TCHP: variants seen among roughly 807,000 people sequenced by gnomAD.
The protein encoded by TCHP is trichoplein keratin filament binding.
A neutral mutation model predicts 88.7 loss-of-function variants in TCHP; 81 were observed. That is an observed-to-expected ratio of 0.91 (90% CI 0.76 to 1.10). The LOEUF (loss-of-function observed/expected upper bound fraction) is 1.10, where lower values mean the gene tolerates loss of function less well. TCHP is among the 50% of genes least tolerant of loss of function. The probability of loss-of-function intolerance (pLI) is 0.00; values close to 1 mark genes in which losing one functional copy is unlikely to be tolerated. For synonymous variants in TCHP, 232 were observed against 232.5 expected (o/e 1.00, Z 0.02); for missense variants, 641 against 632.1 (o/e 1.01, Z -0.15).
intron 12 of TCHP, among the ~76,000 whole-genome samples, chr12:109,915,815 G>A (rs1870790800): frequency 6.6e-6 from 1 of 152,132 alleles, no homozygotes; most frequent in African/African-American, 2.4e-5. Context: ...CACCCTCTTT[G>A]GTCAATCTAA....
chr12:109,882,428 T>TA, the TCHP span, among the ~76,000 whole-genome samples: 208 of 98,360 alleles, frequency 2.1e-3, 2 homozygotes, highest in South Asian at 0.024. Flanking sequence ...AGACTCCGTC[T>TA]AAAAAAAAAA....
intron 11 of TCHP, 169 bp from the exon 12 acceptor site, chr12:109,915,234 C>T (rs1870740069): frequency 3.5e-6 from 3 of 851,766 alleles, no homozygotes; most frequent in Non-Finnish European, 5.7e-6. Flanking sequence ...ACCATGCATA[C>T]AGCCTTTCAA....
the TCHP span, among the ~76,000 whole-genome samples, chr12:109,893,480 G>A: frequency 2.1e-4 from 32 of 152,120 alleles, no homozygotes; most frequent in Admixed American, 2.1e-3. Context: ...TCTAGCTCTG[G>A]GGAGGAAGTT....
rs1033006517 is a variant in TCHP at position 109,916,897 on chromosome 12, G to A, written c.*274G>A. The A allele has an allele frequency of 1.0e-5, 4 of 381,076 alleles. No individual in the cohort carries two copies. The highest frequency in any genetic ancestry group is 1.9e-5 in the Non-Finnish European group (4 of 213,984). The allele number at this position is 381,076 out of a possible 1,614,324, so 23.6% of individuals were successfully genotyped here. The stretch of plus-strand genomic sequence containing the variant: ...TGCATAGTCTTGTAATATATTAACA[G>A]TCACATCAACTGAAGGTCAATACTA... On this transcript the variant is annotated 3_prime_UTR_variant, in exon 13 of 13. Transcript: ENST00000405876.
the TCHP span, among the ~76,000 whole-genome samples, chr12:109,882,468 T>A: frequency 1.4e-4 from 21 of 145,050 alleles, 1 homozygote; most frequent in South Asian, 4.6e-3. Context: ...GTGAGGCACA[T>A]GAGCAAAAGC....
intron 9 of TCHP, among the ~76,000 whole-genome samples, chr12:109,911,456 TA>T (rs1275513858): frequency 4.6e-5 from 7 of 151,658 alleles, no homozygotes; most frequent in African/African-American, 1.7e-4. Context: ...CTACCAAAAA[TA>T]CACAAATTGG....
At chr12:109,912,069 C>T (rs1467411987) in intron 9 of TCHP, among the ~76,000 whole-genome samples, 2 of 152,218 alleles carry the variant, frequency 1.3e-5, no homozygotes, top group Non-Finnish European at 2.9e-5. Flanking sequence ...GCTGGGATTA[C>T]AGGCGTGAGC....
chr12:109,910,383 C>T (rs1428664365), intron 8 of TCHP, among the ~76,000 whole-genome samples: 1 of 152,174 alleles, frequency 6.6e-6, no homozygotes, highest in African/African-American at 2.4e-5. Flanking sequence ...ATGGCGCAAT[C>T]ACGGCTCACT....
At chr12:109,913,842 G>A (rs990990909) in intron 10 of TCHP, among the ~76,000 whole-genome samples, 3 of 152,204 alleles carry the variant, frequency 2.0e-5, no homozygotes, top group African/African-American at 7.2e-5. Flanking sequence ...ATTCTCCAGT[G>A]CCTTTTGATT....
the TCHP span, among the ~76,000 whole-genome samples, chr12:109,885,478 GTTTTT>G: frequency 1.7e-5 from 2 of 118,174 alleles, no homozygotes; most frequent in African/African-American, 3.3e-5. Context: ...AAATCTGATG[GTTTTT>G]TTTTTTTTTT....
chr12:109,896,758 T>A (rs987280477), upstream of TCHP, among the ~76,000 whole-genome samples: 7 of 151,650 alleles, frequency 4.6e-5, no homozygotes, highest in Admixed American at 3.9e-4. Flanking sequence ...TGAAAAAAAA[T>A]ACAAAAATTA....
In TCHP at chr12:109,903,287, T is replaced by G. The variant is rs933065924; in HGVS notation, c.188+73T>G. The G allele has an allele frequency of 2.0e-5, 28 of 1,423,900 alleles. No individual in the cohort carries two copies. The highest frequency in any genetic ancestry group is 2.7e-5 in the Non-Finnish European group (28 of 1,038,276). The allele number at this position is 1,423,900 out of a possible 1,614,324, so 88.2% of individuals were successfully genotyped here. On this transcript the variant is annotated intron_variant, in intron 2 of 12. Transcript: ENST00000405876. The surrounding 1 kb of genome is among the most constrained non-coding windows in gnomAD (Gnocchi z 4.6). ...TGGTCAGGGGATGAGGCCTTAAGGA[T>G]TTAGGGAGCGTAGGATTTGCCAGGC... is the stretch of plus-strand genomic sequence containing the variant.
intron 1 of TCHP, among the ~76,000 whole-genome samples, chr12:109,902,073 C>A (rs1281788165): frequency 1.3e-5 from 2 of 152,214 alleles, no homozygotes; most frequent in African/African-American, 4.8e-5. Flanking sequence ...TAAATGCCCC[C>A]GATGTGCCTA....
upstream of TCHP, among the ~76,000 whole-genome samples, chr12:109,898,698 G>A (rs1485426924): frequency 6.6e-6 from 1 of 152,200 alleles, no homozygotes; most frequent in Admixed American, 6.5e-5. Flanking sequence ...TGTGATCACG[G>A]CTCACTGCAG....
rs1870066612 is a variant in TCHP at position 109,905,299 on chromosome 12, GTGTC to G, written c.456+509_456+512del. Among the ~76,000 whole-genome samples, 1 of 152,242 alleles carries G rather than the reference GTGTC, an allele frequency of 6.6e-6. No homozygotes were observed. The highest frequency in any genetic ancestry group is 1.5e-5 in the Non-Finnish European group (1 of 68,040). On this transcript the variant is annotated intron_variant, in intron 4 of 12. Coordinates refer to ENST00000405876, the MANE Select transcript of TCHP (RefSeq NM_001143852.2). This position sits in a 1 kb window ranked among gnomAD's most constrained non-coding sequence, Gnocchi z 4.0. ...ACAGAGCGAGCCCTGGGAGCTGAAA[GTGTC>G]TGGGTGAGGCTAGGATGTCAGATAG...
chr12:109,888,952 T>C, the TCHP span, among the ~76,000 whole-genome samples: 4 of 152,016 alleles, frequency 2.6e-5, no homozygotes, highest in Non-Finnish European at 4.4e-5. Flanking sequence ...TCTTAGTTAC[T>C]TGGGAGGCTG....
Position 109,904,076 on chromosome 12 carries a change from A to C in TCHP, c.328A>C (p.Asn110His). Reference sequence around the variant, plus strand: ...ACTGGAGGAGCTGAGGCTGAGCATGAACTTGCAGGAAAGAAGAATCCGGGA... The same window carrying C: ...ACTGGAGGAGCTGAGGCTGAGCATGCACTTGCAGGAAAGAAGAATCCGGGA... ...RELEELRLSM[N>H]LQERRIREQH... Residue 110 changes from asparagine to histidine, a missense_variant, in exon 3 of 13, where the codon AAC becomes CAC. Asn to His is a moderately conservative substitution (Grantham distance 68, BLOSUM62 1). Coordinates refer to ENST00000405876, the MANE Select transcript of TCHP (RefSeq NM_001143852.2). The C allele has an allele frequency of 6.2e-7, 1 of 1,600,926 alleles. No homozygotes were observed. The highest frequency in any genetic ancestry group is 8.5e-7 in the Non-Finnish European group (1 of 1,173,660).
chr12:109,904,968 G>A (rs1290557813), intron 4 of TCHP, 175 bp downstream of exon 4: 12 of 597,492 alleles, frequency 2.0e-5, no homozygotes, highest in African/African-American at 3.7e-5. Flanking sequence ...CGGCTCATTC[G>A]GTTGTTGAAC....
At chr12:109,881,636 A>C in the TCHP span, among the ~76,000 whole-genome samples, 102 of 152,308 alleles carry the variant, frequency 6.7e-4, no homozygotes, top group Non-Finnish European at 1.3e-3. Context: ...TGTTTTCTCC[A>C]AGATGCCAAG....
Sources: allele counts gnomAD v4.1 joint callset (sites outside exome capture counted in the v4.1 genomes callset), GRCh38; gene constraint gnomAD v4.1.1; non-coding constraint Gnocchi (gnomAD v3.1); transcripts MANE v1.5; gene names NCBI Gene and HGNC (gene_info 2026-07-23, HGNC 2026-07-21).